SMG5: variants seen among roughly 807,000 people sequenced by gnomAD.
SMG5 encodes the protein SMG5 nonsense mediated mRNA decay factor, also known as nonsense-mediated mRNA decay factor SMG5.
A neutral mutation model predicts 122.9 loss-of-function variants in SMG5; 53 were observed. That is an observed-to-expected ratio of 0.43 (90% confidence interval 0.35 to 0.54). The LOEUF is 0.54. Among genes scored for constraint, SMG5 ranks in the 20% least tolerant of loss-of-function variants. SMG5 has a pLI of 0.01. For missense variants in SMG5, 1,153 were observed against 1,285.6 expected (o/e 0.90, Z 1.58); for synonymous variants, 477 against 490.2 (o/e 0.97, Z 0.35).
In SMG5 at chr1:156,249,685, A is replaced by G. The variant is rs550054728; in HGVS notation, c.*902T>C. 1.0e-4 allele frequency: 47 copies of G among 463,740 alleles called. No individual in the cohort carries two copies. The highest frequency in any genetic ancestry group is 7.3e-4 in the South Asian group (47 of 63,954). The allele number at this position is 463,740 out of a possible 1,614,324, so 28.7% of individuals were successfully genotyped here. A position where few individuals can be genotyped will look rare whatever the true frequency, so the allele number is the denominator to read the frequency against. Reference sequence around the variant, plus strand: ...GCCTCTCCTTTCTGCTGCCCACTGAATGCCGGCCCCTTGTCTTCAGCCCTC... The same window carrying G: ...GCCTCTCCTTTCTGCTGCCCACTGAGTGCCGGCCCCTTGTCTTCAGCCCTC... On this transcript the variant is annotated 3_prime_UTR_variant, in exon 22 of 22. Transcript: ENST00000361813.
upstream of SMG5, chr1:156,285,114 A>G: frequency 7.4e-7 from 1 of 1,360,508 alleles, no homozygotes; most frequent in Non-Finnish European, 9.8e-7. Context: ...GGAGAGTATG[A>G]GTTCTGTCAA....
chr1:156,253,775 A>C (rs1661460605), intron 16 of SMG5: 2 of 503,524 alleles, frequency 4.0e-6, no homozygotes. Context: ...TGCCGTCACC[A>C]TGCAGGACAT....
intron 17 of SMG5, 53 bp from the exon 18 acceptor site, chr1:156,253,131 C>T (rs959555046): frequency 2.7e-6 from 4 of 1,509,408 alleles, no homozygotes; most frequent in African/African-American, 1.4e-5. Context: ...TGCAGCCGGG[C>T]CGGGGGAAGA....
upstream of SMG5, among the ~76,000 whole-genome samples, chr1:156,284,063 AC>A (rs1663075399): frequency 1.3e-5 from 2 of 152,146 alleles, no homozygotes; most frequent in East Asian, 1.9e-4. Flanking sequence ...TACTCCGAGC[AC>A]CCTTTGTTGC....
chr1:156,272,948 G>C (rs1662500597), intron 6 of SMG5, among the ~76,000 whole-genome samples: 1 of 152,078 alleles, frequency 6.6e-6, no homozygotes, highest in Non-Finnish European at 1.5e-5. Flanking sequence ...CATTCCTCTG[G>C]CTTCCAATAT....
At chr1:156,264,819 A>G (rs1662040950) in intron 12 of SMG5, among the ~76,000 whole-genome samples, 1 of 152,080 alleles carries the variant, frequency 6.6e-6, no homozygotes, top group South Asian at 2.1e-4. Context: ...TAAGGTCAGG[A>G]GTTTGAGACC....
the SMG5 span, chr1:156,291,331 A>G: frequency 2.7e-5 from 43 of 1,563,880 alleles, no homozygotes; most frequent in East Asian, 1.4e-4. Flanking sequence ...CCTATTGCCA[A>G]TCAGCTGACG....
Position 156,251,383 on chromosome 1 carries a change from G to A in SMG5, c.2828+20C>T. 1.2e-6 allele frequency: 2 copies of A among 1,613,868 alleles called. No homozygotes were observed. The highest frequency in any genetic ancestry group is 1.1e-5 in the South Asian group (1 of 91,064). On this transcript the variant is annotated intron_variant, in intron 20 of 21. Transcript: ENST00000361813. ...AAGGCAGGTGGCCTGAGGTTCTAGGGGTGAGGGCTAAAATGTTACCAGGCA... is the reference window on the plus strand; with the variant it reads ...AAGGCAGGTGGCCTGAGGTTCTAGGAGTGAGGGCTAAAATGTTACCAGGCA...
upstream of SMG5, chr1:156,282,875 G>C (rs891875225): frequency 3.9e-5 from 23 of 583,350 alleles, no homozygotes; most frequent in Non-Finnish European, 6.2e-5. Flanking sequence ...CACAGTTGCG[G>C]ACCAGTGGCC....
In SMG5 at chr1:156,250,033, C is replaced by G. The variant is rs1312807024; in HGVS notation, c.*554G>C. On this transcript the variant is annotated 3_prime_UTR_variant, in exon 22 of 22. Transcript: ENST00000361813. ...ACTCCAGGCCTTGCTTCTCTAACAG[C>G]CCCTGTGGCTGGCTCCAGAGCTGCC... is the stretch of plus-strand genomic sequence containing the variant. 1 of 432,190 alleles carries G rather than the reference C, an allele frequency of 2.3e-6. No homozygotes were observed. Among genetic ancestry groups the G allele is most frequent in the Admixed American group, 2.5e-5 (1 of 39,852 alleles). 26.8% of individuals were successfully genotyped at this position (432,190 alleles called of 1,614,324 possible). A position where few individuals can be genotyped will look rare whatever the true frequency, so the allele number is the denominator to read the frequency against.
At chr1:156,259,648 GC>G (rs1661731040) in intron 15 of SMG5, among the ~76,000 whole-genome samples, 1 of 151,966 alleles carries the variant, frequency 6.6e-6, no homozygotes, top group African/African-American at 2.4e-5. Flanking sequence ...TCCTGCCTCG[GC>G]CCCCAAGTAG....
intron 16 of SMG5, among the ~76,000 whole-genome samples, chr1:156,255,577 A>T (rs557010915): frequency 1.2e-3 from 170 of 145,250 alleles, no homozygotes; most frequent in African/African-American, 3.3e-3. Context: ...AAATAAAAAT[A>T]AAAATTAAAT....
chr1:156,282,940 T>TA, upstream of SMG5: 1 of 547,740 alleles, frequency 1.8e-6, no homozygotes, highest in Middle Eastern at 4.8e-4. Flanking sequence ...TTGCCAGAAC[T>TA]AACTCTGGGC....
rs757189129 is a variant in SMG5, at chr1:156,278,001, T to C, written c.221A>G (p.Tyr74Cys). Reference sequence around the variant, plus strand: ...CAGCAGCTCCTCAGCCTTTCTCCCATAGTCCACTGGGTGCAGGAACATAAG... The same window carrying C: ...CAGCAGCTCCTCAGCCTTTCTCCCACAGTCCACTGGGTGCAGGAACATAAG... ...VKLMFLHPVD[Y>C]GRKAEELLWR... is the part of the protein sequence containing the mutation. The change falls in exon 3 of 22, where the codon TAT (tyrosine) becomes TGT (cysteine). Residue 74 changes from tyrosine to cysteine, a missense_variant. Tyr to Cys is a radical substitution (Grantham distance 194). Around this residue, in one of 5 missense-constraint regions of SMG5, gnomAD observed 213 missense variants for 197.5 expected, o/e 1.08. Transcript: ENST00000361813. 4 of 1,614,134 alleles carry C rather than the reference T, an allele frequency of 2.5e-6. No individual in the cohort carries two copies. Among genetic ancestry groups the C allele is most frequent in the East Asian group, 2.2e-5 (1 of 44,874 alleles).
At chr1:156,252,308 G>A (rs370319079) in intron 19 of SMG5, 106 bp downstream of exon 19, 72 of 941,828 alleles carry the variant, frequency 7.6e-5, no homozygotes, top group Admixed American at 8.0e-5. Context: ...GAGTAGAGAC[G>A]GGTATGTATG....
At chr1:156,276,936 A>T in intron 4 of SMG5, 149 bp downstream of exon 4, 1 of 750,912 alleles carries the variant, frequency 1.3e-6, no homozygotes, top group Non-Finnish European at 2.1e-6. Context: ...GATTGTCTGG[A>T]TAAATCCAAA....
chr1:156,277,366 A>C, intron 3 of SMG5, 125 bp from the exon 4 acceptor site: 1 of 1,077,630 alleles, frequency 9.3e-7, no homozygotes, highest in East Asian at 2.6e-5. Flanking sequence ...CTCACAAGTT[A>C]CTGTCATACT....
intron 16 of SMG5, among the ~76,000 whole-genome samples, chr1:156,254,447 TTTTTC>T (rs1042111493): frequency 6.6e-6 from 1 of 152,050 alleles, no homozygotes; most frequent in Non-Finnish European, 1.5e-5. Context: ...TTTTATTATG[TTTTTC>T]TTTTCTTTTG....
intron 2 of SMG5, 44 bp from the exon 3 acceptor site, chr1:156,278,092 G>C (rs1455993994): frequency 6.2e-7 from 1 of 1,609,070 alleles, no homozygotes; most frequent in African/African-American, 1.3e-5. Flanking sequence ...CCATCCCTTG[G>C]AGCAGGGACA....
Sources: gnomAD v4.1 joint callset for allele counts (sites outside exome capture counted in the v4.1 genomes callset) on GRCh38, gnomAD v4.1.1 for gene constraint, gnomAD v4.1.1 regional missense constraint, MANE v1.5 for transcripts, NCBI Gene and HGNC (gene_info 2026-07-23, HGNC 2026-07-21) for gene names.